The following TANK variants were observed in gnomAD, a reference collection of about 807,000 sequenced individuals.
TANK encodes the protein TRAF family member-associated NF-kappa-B activator.
A neutral mutation model predicts 43.6 loss-of-function variants in TANK; 15 were observed. The observed-to-expected ratio is 0.34, with a 90% CI of 0.23 to 0.53. The LOEUF (loss-of-function observed/expected upper bound fraction) is 0.53, where lower values mean the gene tolerates loss of function less well. TANK is among the 20% of genes least tolerant of loss of function. The pLI is 0.94. For missense variants in TANK, 417 were observed against 498.6 expected, an observed-to-expected ratio of 0.84 and a Z score of 1.56; for synonymous variants, 162 against 178.2, an observed-to-expected ratio of 0.91 and a Z score of 0.73.
chr2:161,188,499 C>T (rs991458052), intron 2 of TANK, among the ~76,000 whole-genome samples: 1 of 152,134 alleles, frequency 6.6e-6, no homozygotes, highest in South Asian at 2.1e-4. Context: ...TCTGAATAGA[C>T]CTTTACCTAG....
intron 1 of TANK, among the ~76,000 whole-genome samples, chr2:161,179,117 C>T (rs1685304827): frequency 1.3e-5 from 2 of 152,048 alleles, no homozygotes. Flanking sequence ...AAAATAAGAA[C>T]ATTTTCACAC....
chr2:161,236,114 G>A lies in TANK; in HGVS notation c.*596G>A, dbSNP rs1298720756. ...TTTAGATTTTTAAATAATATACATG[G>A]CTTTAATTTTTACTGTGTGTATAGC... On this transcript the variant is annotated 3_prime_UTR_variant, in exon 8 of 8. Transcript: ENST00000392749. The A allele has an allele frequency of 6.6e-6, 1 of 150,568 alleles. No individual in the cohort carries two copies. Among genetic ancestry groups the A allele is most frequent in the Non-Finnish European group, 1.5e-5 (1 of 67,786 alleles). 9.3% of individuals were successfully genotyped at this position (150,568 alleles called of 1,614,324 possible). A position where few individuals can be genotyped will look rare whatever the true frequency, so the allele number is the denominator to read the frequency against.
At chr2:161,205,392 G>A (rs536672864) in intron 4 of TANK, among the ~76,000 whole-genome samples, 1 of 152,210 alleles carries the variant, frequency 6.6e-6, no homozygotes, top group African/African-American at 2.4e-5. Context: ...TGTGGTGTGT[G>A]TGTGTATATA....
In TANK at chr2:161,207,364, G is replaced by C. The variant is rs1172061232; in HGVS notation, c.327+2571G>C. ...AATTATCTTTACTAATAGGGGAAAGGTTTATGTTTTAGCCACATTTTTATA... is the reference window on the plus strand; with the variant it reads ...AATTATCTTTACTAATAGGGGAAAGCTTTATGTTTTAGCCACATTTTTATA... On this transcript the variant is annotated intron_variant, in intron 4 of 7. Coordinates refer to ENST00000392749, the MANE Select transcript of TANK (RefSeq NM_001199135.3). The C allele has an allele frequency of 3.1e-6, 3 of 963,906 alleles. No individual in the cohort carries two copies. In the African/African-American group the frequency reaches 5.3e-5, roughly 17 times the overall value. The allele number at this position is 963,906 out of a possible 1,614,324, so 59.7% of individuals were successfully genotyped here.
intron 4 of TANK, among the ~76,000 whole-genome samples, chr2:161,213,526 C>G (rs1328927128): frequency 6.6e-6 from 1 of 150,828 alleles, no homozygotes; most frequent in African/African-American, 2.4e-5. Flanking sequence ...TCGCTTGAAC[C>G]TAGGAGATGG....
chr2:161,235,148 A>G (rs1343185000), intron 7 of TANK, among the ~76,000 whole-genome samples, 194 bp from the exon 8 acceptor site: 1 of 152,220 alleles, frequency 6.6e-6, no homozygotes, highest in Non-Finnish European at 1.5e-5. Context: ...ACTTTTAATC[A>G]AAGTTTAGTT....
chr2:161,216,498 CT>C, intron 4 of TANK: 2 of 433,030 alleles, frequency 4.6e-6, no homozygotes, highest in Non-Finnish European at 9.3e-6. Flanking sequence ...CTTCTTCCTA[CT>C]TTTTTTCTTT....
At chr2:161,203,897 G>A (rs1558993918) in intron 3 of TANK, among the ~76,000 whole-genome samples, 1 of 152,166 alleles carries the variant, frequency 6.6e-6, no homozygotes, top group East Asian at 1.9e-4. Context: ...AAAAACTCAA[G>A]TCCTAAGACT....
At chr2:161,206,321 T>C (rs1686650982) in intron 4 of TANK, among the ~76,000 whole-genome samples, 1 of 152,146 alleles carries the variant, frequency 6.6e-6, no homozygotes, top group Non-Finnish European at 1.5e-5. Flanking sequence ...ATATTTTGAA[T>C]AAAATACGAA....
chr2:161,160,796 G>C (rs1441148372), intron 1 of TANK: 1 of 549,232 alleles, frequency 1.8e-6, no homozygotes, highest in Non-Finnish European at 3.6e-6. Flanking sequence ...CCCGGGAAAT[G>C]GGGGTGGAAG....
chr2:161,161,547 C>T, intron 1 of TANK: 3 of 1,411,606 alleles, frequency 2.1e-6, no homozygotes, highest in Non-Finnish European at 2.8e-6. Flanking sequence ...CAGTTGTAAT[C>T]CAAGCCTTCC....
intron 2 of TANK, chr2:161,200,308 A>T (rs1404873240): frequency 1.2e-5 from 12 of 969,286 alleles, no homozygotes; most frequent in East Asian, 1.1e-4. Context: ...ATTGTATTTT[A>T]AAAAAATACT....
At chr2:161,190,951 CAAAA>C (rs891591903) in intron 2 of TANK, among the ~76,000 whole-genome samples, 1 of 151,696 alleles carries the variant, frequency 6.6e-6, no homozygotes. Flanking sequence ...AACTCTATTA[CAAAA>C]AAAAGAATTG....
intron 1 of TANK, among the ~76,000 whole-genome samples, chr2:161,144,816 C>T (rs998245569): frequency 6.6e-6 from 1 of 152,138 alleles, no homozygotes; most frequent in African/African-American, 2.4e-5. Flanking sequence ...ATTAGGTCCA[C>T]TTGATCCAGA....
intron 2 of TANK, among the ~76,000 whole-genome samples, chr2:161,187,234 T>C (rs2105312261): frequency 6.6e-6 from 1 of 152,156 alleles, no homozygotes; most frequent in Middle Eastern, 3.4e-3. Flanking sequence ...AAGACCAGCC[T>C]GGGCCAACAT....
At chr2:161,202,795 T>A in intron 2 of TANK, 1 of 438,768 alleles carries the variant, frequency 2.3e-6, no homozygotes, top group Non-Finnish European at 4.6e-6. Flanking sequence ...CAAATTTGCT[T>A]GAATGTTTGC....
chr2:161,195,642 G>C (rs906071742), intron 2 of TANK, among the ~76,000 whole-genome samples: 10 of 152,118 alleles, frequency 6.6e-5, no homozygotes, highest in African/African-American at 2.4e-4. Flanking sequence ...GGGGGACAAG[G>C]GTGAGGGGTA....
rs558510637 is a variant in TANK, at chr2:161,164,828, GA to G, written c.-50+4347del. ...TGCATTCACATTGCTATGCAACCAAGAAAAACATTTTTAAAGGGACGTATTT... is the reference window on the plus strand; with the variant it reads ...TGCATTCACATTGCTATGCAACCAAGAAAACATTTTTAAAGGGACGTATTT... On this transcript the variant is annotated intron_variant, in intron 1 of 7. Transcript: ENST00000392749. Among the ~76,000 whole-genome samples the G allele has an allele frequency of 9.9e-5, 15 of 152,152 alleles. No individual in the cohort carries two copies. In the South Asian group the frequency reaches 2.7e-3, roughly 27 times the overall value.
At chr2:161,171,573 A>G (rs933561745) in intron 1 of TANK, among the ~76,000 whole-genome samples, 2 of 152,154 alleles carry the variant, frequency 1.3e-5, no homozygotes, top group African/African-American at 2.4e-5. Context: ...GCCTGTTCCT[A>G]TTTATCATTG....
Sources: allele counts gnomAD v4.1 joint callset (sites outside exome capture counted in the v4.1 genomes callset), GRCh38; gene constraint gnomAD v4.1.1; transcripts MANE v1.5; gene names NCBI Gene and HGNC (gene_info 2026-07-23, HGNC 2026-07-21).